CSMD3: variants seen among roughly 807,000 people sequenced by gnomAD.
The protein encoded by CSMD3 is CUB and sushi domain-containing protein 3.
CSMD3 carries 177 observed loss-of-function variants against 435.2 expected under a neutral mutation model. The ratio of observed to expected loss-of-function variants is 0.41; its 90% CI spans 0.36 to 0.46. The LOEUF is 0.46. CSMD3 is among the 20% of genes least tolerant of loss of function. The pLI is 0.34. For missense variants in CSMD3, 4,265 were observed against 4,504.6 expected, an observed-to-expected ratio of 0.95 and a Z score of 1.52; for synonymous variants, 1,656 against 1,520.5, an observed-to-expected ratio of 1.09 and a Z score of -2.07.
At chr8:112,281,966 C>T (rs1216718999) in intron 58 of CSMD3, among the ~76,000 whole-genome samples, 1 of 152,000 alleles carries the variant, frequency 6.6e-6, no homozygotes, top group Non-Finnish European at 1.5e-5. Flanking sequence ...AAGTTACAAA[C>T]ACGAATGTCT....
At chr8:112,684,845 C>G (rs1371756626) in intron 15 of CSMD3, among the ~76,000 whole-genome samples, 1 of 152,112 alleles carries the variant, frequency 6.6e-6, no homozygotes, top group African/African-American at 2.4e-5. Context: ...TTCTTTATAG[C>G]AATCCATTGT....
intron 41 of CSMD3, among the ~76,000 whole-genome samples, chr8:112,343,935 T>C (rs1289786784): frequency 6.6e-6 from 1 of 152,096 alleles, no homozygotes; most frequent in Non-Finnish European, 1.5e-5. Context: ...CAGGCTGGAG[T>C]GCAGTGGCAA....
intron 37 of CSMD3, among the ~76,000 whole-genome samples, chr8:112,383,269 G>A (rs1051203727): frequency 1.3e-5 from 2 of 151,798 alleles, no homozygotes; most frequent in African/African-American, 4.8e-5. Flanking sequence ...TTTCTTTTAA[G>A]GAAAAGAGCG....
chr8:112,310,821 A>G, intron 50 of CSMD3, 157 bp downstream of exon 50: 1 of 718,816 alleles, frequency 1.4e-6, no homozygotes, highest in South Asian at 1.5e-5. Flanking sequence ...CCTGGAATTT[A>G]TCATTCTGCA....
chr8:112,575,160 G>T (rs574191727), intron 23 of CSMD3, among the ~76,000 whole-genome samples: 3 of 151,916 alleles, frequency 2.0e-5, no homozygotes, highest in Non-Finnish European at 4.4e-5. Context: ...AGAATTTAAT[G>T]TTAAGGTTAT....
intron 13 of CSMD3, among the ~76,000 whole-genome samples, chr8:112,692,868 A>T (rs908110790): frequency 6.6e-6 from 1 of 152,052 alleles, no homozygotes; most frequent in African/African-American, 2.4e-5. Context: ...ATTTTTAGTT[A>T]TTGTTATCAA....
At chr8:112,400,972 C>T (rs189478870) in intron 35 of CSMD3, among the ~76,000 whole-genome samples, 27 of 152,132 alleles carry the variant, frequency 1.8e-4, no homozygotes, top group South Asian at 1.4e-3. Context: ...TTTGGGAGGC[C>T]GAGGCAGATA....
At chr8:112,578,077 A>C (rs1037628189) in intron 23 of CSMD3, among the ~76,000 whole-genome samples, 1 of 152,098 alleles carries the variant, frequency 6.6e-6, no homozygotes, top group Non-Finnish European at 1.5e-5. Flanking sequence ...TTTTCTAAAA[A>C]GGTGAATTAG....
rs2083668278 is a variant in CSMD3 at position 112,947,829 on chromosome 8, C to T, written c.1469G>A (p.Gly490Glu). 6.5e-7 allele frequency: 1 copy of T among 1,539,118 alleles called. No homozygotes were observed. Among genetic ancestry groups the T allele is most frequent in the Non-Finnish European group, 9.0e-7 (1 of 1,113,692 alleles). ...GATTCTCTTCCCATTTTCTGGTTCT[C>T]CTGGATCTGGGCATAAATTGGAAGC... ...KTASNLCPDP[G>E]EPENGKRIGS... The change falls in exon 9 of 71, where the codon GGA (glycine) becomes GAA (glutamate). Residue 490 changes from glycine to glutamate, a missense_variant. Around this residue, in one of 3 missense-constraint regions of CSMD3, gnomAD observed 731 missense variants for 755.4 expected, o/e 0.97. Transcript: ENST00000297405.
At chr8:112,452,833 A>T (rs894892255) in intron 32 of CSMD3, among the ~76,000 whole-genome samples, 5 of 152,188 alleles carry the variant, frequency 3.3e-5, no homozygotes, top group African/African-American at 1.2e-4. Flanking sequence ...AATCTTCCTG[A>T]AATATTTTGT....
chr8:112,501,378 C>A (rs1821938174), intron 30 of CSMD3, among the ~76,000 whole-genome samples: 1 of 140,106 alleles, frequency 7.1e-6, no homozygotes, highest in African/African-American at 2.7e-5. Context: ...AGTGACAGAG[C>A]AAGATTCCAT....
At chr8:113,240,246 C>G (rs1488125372) in intron 3 of CSMD3, among the ~76,000 whole-genome samples, 1 of 152,080 alleles carries the variant, frequency 6.6e-6, no homozygotes, top group South Asian at 2.1e-4. Context: ...TTTTCTTTGT[C>G]CAGTCCATCA....
chr8:112,600,114 C>G (rs184536262), intron 22 of CSMD3, among the ~76,000 whole-genome samples: 1 of 151,564 alleles, frequency 6.6e-6, no homozygotes, highest in Admixed American at 6.6e-5. Flanking sequence ...TAACTTAAAA[C>G]TAGGCTAAGA....
intron 27 of CSMD3, among the ~76,000 whole-genome samples, chr8:112,549,684 A>AAAAATAATAGT (rs1563690154): frequency 6.6e-6 from 1 of 152,068 alleles, no homozygotes; most frequent in Non-Finnish European, 1.5e-5. Flanking sequence ...TTCATTAGGT[A>AAAAATAATAGT]CCAGTTATCT....
intron 12 of CSMD3, among the ~76,000 whole-genome samples, chr8:112,827,445 C>T (rs2079731992): frequency 6.6e-6 from 1 of 151,360 alleles, no homozygotes; most frequent in Admixed American, 6.6e-5. Context: ...CTTTTCTTGT[C>T]CATGTTTTTA....
intron 31 of CSMD3, among the ~76,000 whole-genome samples, chr8:112,490,366 A>C (rs570287167): frequency 6.6e-6 from 1 of 152,280 alleles, no homozygotes; most frequent in East Asian, 1.9e-4. Context: ...AAGTATACTT[A>C]ATTGGGCCAT....
chr8:113,358,557 T>C (rs1201173037), intron 1 of CSMD3, among the ~76,000 whole-genome samples: 2 of 152,126 alleles, frequency 1.3e-5, no homozygotes, highest in Admixed American at 1.3e-4. Flanking sequence ...TTCACCATAA[T>C]GATTAGGCTG....
chr8:113,015,288 G>T (rs1055317142), intron 6 of CSMD3, among the ~76,000 whole-genome samples: 1 of 151,976 alleles, frequency 6.6e-6, no homozygotes, highest in Non-Finnish European at 1.5e-5. Flanking sequence ...ATCCCAAAAT[G>T]ATCATAGCCT....
chr8:112,756,926 G>A (rs748057692), intron 13 of CSMD3, among the ~76,000 whole-genome samples: 7 of 151,826 alleles, frequency 4.6e-5, no homozygotes, highest in Non-Finnish European at 7.4e-5. Context: ...ACGTCACCAT[G>A]CCCAGCTAAT....
Sources: gnomAD v4.1 joint callset for allele counts (sites outside exome capture counted in the v4.1 genomes callset) on GRCh38, gnomAD v4.1.1 for gene constraint, gnomAD v4.1.1 regional missense constraint, MANE v1.5 for transcripts, NCBI Gene and HGNC (gene_info 2026-07-23, HGNC 2026-07-21) for gene names.